CAMTA2: variants seen among roughly 807,000 people sequenced by gnomAD.
CAMTA2 encodes the protein calmodulin binding transcription activator 2, also known as calmodulin-binding transcription activator 2.
A neutral mutation model predicts 135.7 loss-of-function variants in CAMTA2; 56 were observed. That is an observed-to-expected ratio of 0.41 (90% CI 0.33 to 0.52). The LOEUF (loss-of-function observed/expected upper bound fraction) is 0.52. Among genes scored for constraint, CAMTA2 ranks in the 20% least tolerant of loss-of-function variants. CAMTA2 has a pLI of 0.16. For synonymous variants in CAMTA2, 591 were observed against 604.6 expected, an observed-to-expected ratio of 0.98 and a Z score of 0.33; for missense variants, 1,358 against 1,553.4, an observed-to-expected ratio of 0.87 and a Z score of 2.11.
In CAMTA2 at chr17:4,969,622, G is replaced by A. The variant is rs756206518; in HGVS notation, c.3261+8C>T. ...GCTGGTTACACTTTTGAGGGAGAAG[G>A]GTCTCACCTGCTTGTACTTCCGGTA... On this transcript the variant is annotated splice_region_variant and intron_variant, in intron 19 of 22. Coordinates refer to ENST00000348066, the MANE Select transcript of CAMTA2 (RefSeq NM_015099.4). This position sits in a 1 kb window ranked among gnomAD's most constrained non-coding sequence, Gnocchi z 5.6. 1.2e-6 allele frequency: 2 copies of A among 1,614,068 alleles called. No individual in the cohort carries two copies. The highest frequency in any genetic ancestry group is 1.7e-6 in the Non-Finnish European group (2 of 1,179,990).
chr17:4,968,531 C>G lies in CAMTA2; in HGVS notation c.*225G>C. On this transcript the variant is annotated 3_prime_UTR_variant, in exon 23 of 23. Transcript: ENST00000348066. ...CAGCGGAAGATGCAGGTATGTGGGG[C>G]GCGGGTTTTCTGGAGCCAGGACCAA... The G allele has an allele frequency of 1.7e-6, 1 of 594,088 alleles. No individual in the cohort carries two copies. The highest frequency in any genetic ancestry group is 3.0e-6 in the Non-Finnish European group (1 of 332,074). The allele number at this position is 594,088 out of a possible 1,614,324, so 36.8% of individuals were successfully genotyped here.
chr17:4,972,131 T>C, intron 16 of CAMTA2, 101 bp downstream of exon 16: 2 of 1,023,424 alleles, frequency 2.0e-6, no homozygotes, highest in South Asian at 1.5e-5. Flanking sequence ...AAATAGGCCC[T>C]TCCTAAACTG....
At position 4,987,074 on chromosome 17, in the gene CAMTA2, C is replaced by G. The variant is rs1476327697; in HGVS notation, c.-65+519G>C. On this transcript the variant is annotated intron_variant, in intron 1 of 22. Coordinates refer to ENST00000348066, the MANE Select transcript of CAMTA2 (RefSeq NM_015099.4). Reference sequence around the variant, plus strand: ...TCCAGGATGGAGATGGGAGGAGGCCCGTCGGGCTCGGCTATGTGCAGTGAA... The same window carrying G: ...TCCAGGATGGAGATGGGAGGAGGCCGGTCGGGCTCGGCTATGTGCAGTGAA... 2.9e-6 allele frequency: 4 copies of G among 1,395,786 alleles called. No individual in the cohort carries two copies. In the African/African-American group the frequency reaches 4.5e-5, roughly 16 times the overall value. 86.5% of individuals were successfully genotyped at this position (1,395,786 alleles called of 1,614,324 possible).
rs529341812 is a variant in CAMTA2 at position 4,987,220 on chromosome 17, C to T, written c.-65+373G>A. On this transcript the variant is annotated intron_variant, in intron 1 of 22. Coordinates refer to ENST00000348066, the MANE Select transcript of CAMTA2 (RefSeq NM_015099.4). Reference sequence around the variant, plus strand: ...TGCACTTGGGCGGCGCCGGATCGGACGCTTGGCACTCTGGGCGGCCCCCCG... The same window carrying T: ...TGCACTTGGGCGGCGCCGGATCGGATGCTTGGCACTCTGGGCGGCCCCCCG... The T allele has an allele frequency of 1.4e-3, 1,931 of 1,340,756 alleles. 3 individuals carry two copies. The highest frequency in any genetic ancestry group is 1.7e-3 in the Non-Finnish European group (1,814 of 1,052,464). The allele number at this position is 1,340,756 out of a possible 1,614,324, so 83.1% of individuals were successfully genotyped here. A position where few individuals can be genotyped will look rare whatever the true frequency, so the allele number is the denominator to read the frequency against.
intron 3 of CAMTA2, among the ~76,000 whole-genome samples, chr17:4,984,101 C>T (rs1470655191): frequency 6.6e-6 from 1 of 152,102 alleles, no homozygotes; most frequent in South Asian, 2.1e-4. Context: ...CAGGCGCCCA[C>T]GACCACGCCC....
intron 9 of CAMTA2, 113 bp downstream of exon 9, chr17:4,979,571 G>T: frequency 1.6e-6 from 1 of 631,192 alleles, no homozygotes; most frequent in Non-Finnish European, 2.7e-6. Context: ...AAGAAGCCAT[G>T]AAAACTGAGG....
At position 4,972,778 on chromosome 17, in the gene CAMTA2, G is replaced by A; in HGVS notation, c.2494C>T (p.Pro832Ser). The change falls in exon 15 of 23, where the codon CCA (proline) becomes TCA (serine). Residue 832 changes from proline to serine, a missense_variant. Around this residue, in one of 4 missense-constraint regions of CAMTA2, gnomAD observed 1,077 missense variants for 1,127.5 expected, o/e 0.96. Transcript: ENST00000348066. ...PFALSPPSSS[P>S]DTGLSSVSSP... The stretch of plus-strand genomic sequence containing the variant: ...TTAGGGCCACCCTCACCAGTGTCTG[G>A]GCTGGAGGAGGGTGGCGATAGGGCA... 6.2e-7 allele frequency: 1 copy of A among 1,613,208 alleles called. No individual in the cohort carries two copies. Among genetic ancestry groups the A allele is most frequent in the Admixed American group, 1.7e-5 (1 of 60,026 alleles).
intron 11 of CAMTA2, among the ~76,000 whole-genome samples, chr17:4,975,289 G>T (rs1972547049): frequency 6.6e-6 from 1 of 151,942 alleles, no homozygotes; most frequent in South Asian, 2.1e-4. Context: ...AGAGAATGAT[G>T]AACAGAAACC....
At position 4,969,687 on chromosome 17, in the gene CAMTA2, C is replaced by T. The variant is rs1320313870; in HGVS notation, c.3204G>A (p.Lys1068=). ...AFRKYKGRRL[K]EQQEVAAAVI... is the part of the protein sequence containing the mutation. ...CAGCTGCTGCTACCTCCTGCTGCTCCTTCAGCCGCCGGCCCTGAAGGGAGA... is the reference window on the plus strand; with the variant it reads ...CAGCTGCTGCTACCTCCTGCTGCTCTTTCAGCCGCCGGCCCTGAAGGGAGA... The change falls in exon 19 of 23, where the codon AAG becomes AAA. Residue 1068 remains lysine (K), a synonymous_variant. Coordinates refer to ENST00000348066, the MANE Select transcript of CAMTA2 (RefSeq NM_015099.4). The surrounding 1 kb of genome is among the most constrained non-coding windows in gnomAD (Gnocchi z 5.6). The T allele has an allele frequency of 6.2e-7, 1 of 1,613,974 alleles. No individual in the cohort carries two copies. Among genetic ancestry groups the T allele is most frequent in the East Asian group, 2.2e-5 (1 of 44,882 alleles).
At chr17:4,985,706 G>A (rs972917770) in intron 3 of CAMTA2, among the ~76,000 whole-genome samples, 174 bp downstream of exon 3, 2 of 152,122 alleles carry the variant, frequency 1.3e-5, no homozygotes, top group African/African-American at 2.4e-5. Flanking sequence ...TTACAGGCAT[G>A]AGCCACCATG....
rs552326556 is a variant in CAMTA2, at chr17:4,987,672, G to A, written c.-144C>T. ...CCCCCCAGCGCCGGCTGACAGCGGC[G>A]TCTAACGTCACTGCGCACGGGGCGG... On this transcript the variant is annotated 5_prime_UTR_variant, in exon 1 of 23. In the 5' UTR this introduces an upstream ATG that the reference lacks. Transcript: ENST00000348066. 7 of 1,513,496 alleles carry A rather than the reference G, an allele frequency of 4.6e-6. 1 individual carries two copies. In the South Asian group the frequency reaches 8.5e-5, roughly 18 times the overall value. 93.8% of individuals were successfully genotyped at this position (1,513,496 alleles called of 1,614,324 possible).
chr17:4,976,044 C>T (rs1205718700), intron 11 of CAMTA2, among the ~76,000 whole-genome samples: 2 of 152,124 alleles, frequency 1.3e-5, no homozygotes, highest in South Asian at 2.1e-4. Context: ...CTCGCTCTGT[C>T]GCCCAGGCTG....
Position 4,980,055 on chromosome 17 carries a change from CCT to C in CAMTA2, c.1265_1266del (p.Gln422ArgfsTer25), listed in dbSNP as rs760505648. 1 of 1,612,772 alleles carries C rather than the reference CCT, an allele frequency of 6.2e-7. No homozygotes were observed. The highest frequency in any genetic ancestry group is 8.5e-7 in the Non-Finnish European group (1 of 1,178,970). Reference sequence around the variant, plus strand: ...TGTGGTGGGGGACCCCGAGCAGCTGCCTGGGGCTCCAGGGCAGCAGCAGGCTC... The same window carrying C: ...TGTGGTGGGGGACCCCGAGCAGCTGCGGGGCTCCAGGGCAGCAGCAGGCTC... ...ALEPAAALEP[Q>X]AAARGPPPQS... On this transcript the variant is annotated frameshift_variant, in exon 9 of 23. Coordinates refer to ENST00000348066, the MANE Select transcript of CAMTA2 (RefSeq NM_015099.4). LOFTEE classifies it high-confidence loss of function. This position sits in a 1 kb window ranked among gnomAD's most constrained non-coding sequence, Gnocchi z 5.3.
chr17:4,981,966 T>C, intron 6 of CAMTA2, 123 bp downstream of exon 6: 1 of 1,259,652 alleles, frequency 7.9e-7, no homozygotes. Flanking sequence ...CCAAGCCCCT[T>C]TCTCTTCTTC....
chr17:4,972,833 C>T lies in CAMTA2; in HGVS notation c.2439G>A (p.Gln813=). ...VRLARCLEEL[Q]RQEPSVEPPF... is the part of the protein sequence containing the mutation. Reference sequence around the variant, plus strand: ...GGGGCTCCACCGAAGGCTCCTGTCTCTGTAGTTCCTCAAGGCAGCGGGCAA... The same window carrying T: ...GGGGCTCCACCGAAGGCTCCTGTCTTTGTAGTTCCTCAAGGCAGCGGGCAA... Residue 813 remains glutamine, a synonymous_variant, in exon 15 of 23, where the codon CAG becomes CAA. Coordinates refer to ENST00000348066, the MANE Select transcript of CAMTA2 (RefSeq NM_015099.4). 1 of 1,613,952 alleles carries T rather than the reference C, an allele frequency of 6.2e-7. No individual in the cohort carries two copies. The highest frequency in any genetic ancestry group is 8.5e-7 in the Non-Finnish European group (1 of 1,180,038).
chr17:4,983,143 G>A, intron 3 of CAMTA2, 100 bp from the exon 4 acceptor site: 2 of 984,494 alleles, frequency 2.0e-6, no homozygotes, highest in South Asian at 2.6e-5. Context: ...GCTGAGTTCT[G>A]GCAGCTAGTG....
chr17:4,968,791 G>C lies in CAMTA2; in HGVS notation c.3574C>G (p.Leu1192Val), dbSNP rs773498375. The change falls in exon 23 of 23, where the codon CTG becomes GTG. Residue 1192 changes from leucine to valine, a missense_variant. This residue lies in a region of CAMTA2 where 167 missense variants were observed against 207.0 expected (regional missense o/e 0.81). Coordinates refer to ENST00000348066, the MANE Select transcript of CAMTA2 (RefSeq NM_015099.4). ...AGTCCCGGCTGGGGAAGCCCTTCCA[G>C]CTCCTGGTTCTGCTTCAGTTCCCTC... ...RMRELKQNQELEGLPQPGLAT is the reference protein window; with the variant it reads ...RMRELKQNQEVEGLPQPGLAT 1 of 1,614,170 alleles carries C rather than the reference G, an allele frequency of 6.2e-7. No homozygotes were observed. The highest frequency in any genetic ancestry group is 1.3e-5 in the African/African-American group (1 of 75,064).
chr17:4,970,090 A>T lies in CAMTA2; in HGVS notation c.3006-5T>A. ...CCTCGCTCAAAGGGCAGTTCGCTGT[A>T]GGCGGTAGGGAAAGAGGGTGTCATG... On this transcript the variant is annotated splice_region_variant and splice_polypyrimidine_tract_variant and intron_variant, in intron 17 of 22. Transcript: ENST00000348066. 1 of 1,613,218 alleles carries T rather than the reference A, an allele frequency of 6.2e-7. No homozygotes were observed. Among genetic ancestry groups the T allele is most frequent in the Non-Finnish European group, 8.5e-7 (1 of 1,179,538 alleles).
intron 7 of CAMTA2, 37 bp downstream of exon 7, chr17:4,981,641 C>G: frequency 6.5e-7 from 1 of 1,547,912 alleles, no homozygotes; most frequent in Non-Finnish European, 8.7e-7. Flanking sequence ...TGTTTCTACT[C>G]TCCCCTTGGA....
Sources: gnomAD v4.1 joint callset for allele counts (sites outside exome capture counted in the v4.1 genomes callset) on GRCh38, gnomAD v4.1.1 for gene constraint, gnomAD v4.1.1 regional missense constraint, Gnocchi (gnomAD v3.1) non-coding constraint, MANE v1.5 for transcripts, NCBI Gene and HGNC (gene_info 2026-07-23, HGNC 2026-07-21) for gene names.